The following TRIM14 variants were observed in gnomAD, a reference collection of about 807,000 sequenced individuals.
TRIM14 encodes tripartite motif containing 14, also known as tripartite motif-containing protein 14.
A neutral mutation model predicts 44.5 loss-of-function variants in TRIM14; 28 were observed. The ratio of observed to expected loss-of-function variants is 0.63; its 90% CI spans 0.47 to 0.86. TRIM14 has a LOEUF of 0.86. TRIM14 is among the 40% of genes least tolerant of loss of function. The pLI, the probability that TRIM14 is intolerant of heterozygous loss-of-function variation, is 0.00. For synonymous variants in TRIM14, 299 were observed against 269.2 expected (o/e 1.11, Z -1.08); for missense variants, 607 against 611.1 (o/e 0.99, Z 0.07).
chr9:98,103,104 G>A (rs924419514), intron 2 of TRIM14, among the ~76,000 whole-genome samples: 3 of 152,082 alleles, frequency 2.0e-5, no homozygotes, highest in Non-Finnish European at 4.4e-5. Flanking sequence ...AGAATTGCTT[G>A]AACCCAGGAG....
intron 1 of TRIM14, among the ~76,000 whole-genome samples, chr9:98,118,075 A>G (rs1827116147): frequency 1.3e-5 from 2 of 152,130 alleles, no homozygotes; most frequent in African/African-American, 2.4e-5. Context: ...AGTACCGGAG[A>G]AAGGCTCACG....
the TRIM14 span, among the ~76,000 whole-genome samples, chr9:98,053,040 C>T: frequency 2.6e-5 from 4 of 152,282 alleles, no homozygotes; most frequent in South Asian, 2.1e-4. Flanking sequence ...AAACCAGAAT[C>T]GGTCCATGGG....
At chr9:98,058,764 T>C in the TRIM14 span, among the ~76,000 whole-genome samples, 1 of 152,100 alleles carries the variant, frequency 6.6e-6, no homozygotes, top group African/African-American at 2.4e-5. Flanking sequence ...TGTCTCTAAT[T>C]CCATTGAGCT....
At chr9:98,078,762 G>T (rs1017028969) in intron 6 of TRIM14, among the ~76,000 whole-genome samples, 17 of 150,478 alleles carry the variant, frequency 1.1e-4, no homozygotes, top group Admixed American at 5.3e-4. Context: ...TTGAATTCAG[G>T]AGGCAGAGGT....
At chr9:98,115,450 A>G (rs1041881462) in intron 1 of TRIM14, among the ~76,000 whole-genome samples, 1 of 152,166 alleles carries the variant, frequency 6.6e-6, no homozygotes, top group South Asian at 2.1e-4. Flanking sequence ...AGGTTTCACC[A>G]TGTTGGTCAT....
the TRIM14 span, among the ~76,000 whole-genome samples, chr9:98,063,685 G>C: frequency 6.6e-6 from 1 of 151,888 alleles, no homozygotes; most frequent in Non-Finnish European, 1.5e-5. Context: ...GGGACTACAG[G>C]CATGTGCCAA....
Position 98,087,816 on chromosome 9 carries a change from A to C in TRIM14, c.983T>G (p.Val328Gly). The C allele has an allele frequency of 6.5e-7, 1 of 1,528,182 alleles. No homozygotes were observed. Among genetic ancestry groups the C allele is most frequent in the Non-Finnish European group, 8.7e-7 (1 of 1,149,410 alleles). The allele number at this position is 1,528,182 out of a possible 1,614,324, so 94.7% of individuals were successfully genotyped here. A position where few individuals can be genotyped will look rare whatever the true frequency, so the allele number is the denominator to read the frequency against. The change falls in exon 6 of 6, where the codon GTG becomes GGG. Residue 328 changes from valine to glycine, a missense_variant. Transcript: ENST00000341469. ...CCACCAGCCGGCGCCCGCCTCCTGC[A>C]CGTCAACCTCCCAGTAGTGGCGGCC... Reference protein sequence around the residue: ...ATGRHYWEVDVQEAGAGWWVG... With the variant: ...ATGRHYWEVDGQEAGAGWWVG...
rs1366516641 is a variant in TRIM14 at position 98,088,843 on chromosome 9, A to T, written c.794-838T>A. 2.0e-5 allele frequency among the ~76,000 whole-genome samples: 3 copies of T among 152,138 alleles called. 1 individual carries two copies. The highest frequency in any genetic ancestry group is 4.4e-5 in the Non-Finnish European group (3 of 68,022). On this transcript the variant is annotated intron_variant, in intron 5 of 5. Transcript: ENST00000341469. ...ACATATTGCAAAACTATCCTCCCCA[A>T]AGTTTGTAGTGATTTAAACTCTCAT...
rs774806522 is a variant in TRIM14 at position 98,100,022 on chromosome 9, T to A, written c.446A>T (p.Asp149Val). Residue 149 changes from aspartate to valine, a missense_variant, in exon 3 of 6, where the codon GAC (aspartate) becomes GTC (valine). This residue lies in a region of TRIM14 where 246 missense variants were observed against 270.8 expected (regional missense o/e 0.91). Coordinates refer to ENST00000341469, the MANE Select transcript of TRIM14 (RefSeq NM_014788.4). The part of the protein sequence containing the change: ...LTLQVYREQA[D>V]SCREQLDIMN... ...GATGTCAAGTTGCTCTCTGCAAGAG[T>A]CAGCTTGTTCCCTGTACACCTGGAG... is the stretch of plus-strand genomic sequence containing the variant. 1 of 1,614,096 alleles carries A rather than the reference T, an allele frequency of 6.2e-7. No homozygotes were observed.
chr9:98,044,077 G>T, the TRIM14 span, among the ~76,000 whole-genome samples: 2 of 149,722 alleles, frequency 1.3e-5, no homozygotes, highest in African/African-American at 4.9e-5. Context: ...GTGGGTCAAA[G>T]TGTGTGCTGC....
At position 98,078,834 on chromosome 9, in the gene TRIM14, G is replaced by C. The variant is rs540008329; in HGVS notation, c.*28+8608C>G. Among the ~76,000 whole-genome samples, 415 of 99,106 alleles carry C rather than the reference G, an allele frequency of 4.2e-3. 3 individuals are homozygous for C. Among genetic ancestry groups the C allele is most frequent in the Non-Finnish European group, 5.5e-3 (288 of 52,318 alleles). The allele number at this position is 99,106 out of a possible 152,430, so 65.0% of individuals were successfully genotyped here. ...TGGGTGACAGAGTGAGACTCTCAGG[G>C]GGAAAAAAAAAAAAAAAAAAGTCTG... On this transcript the variant is annotated intron_variant, in intron 6 of 6. Coordinates refer to the TRIM14 transcript ENST00000375098.
rs781505825 is a variant in TRIM14, at chr9:98,091,874, C to T, written c.793+35G>A. The stretch of plus-strand genomic sequence containing the variant: ...CCACCCAACATCCCACCATCTCCAC[C>T]GTCTCCACCCTATCCCCACTCCCGG... On this transcript the variant is annotated intron_variant, in intron 5 of 5. Coordinates refer to ENST00000341469, the MANE Select transcript of TRIM14 (RefSeq NM_014788.4). 7 of 1,424,482 alleles carry T rather than the reference C, an allele frequency of 4.9e-6. No individual in the cohort carries two copies. The East Asian group carries it at 1.2e-4, about 25-fold the overall frequency. 88.2% of individuals were successfully genotyped at this position (1,424,482 alleles called of 1,614,324 possible). A position where few individuals can be genotyped will look rare whatever the true frequency, so the allele number is the denominator to read the frequency against.
intron 2 of TRIM14, among the ~76,000 whole-genome samples, chr9:98,103,543 T>TA (rs1250330284): frequency 1.3e-5 from 2 of 151,910 alleles, no homozygotes; most frequent in African/African-American, 4.8e-5. Flanking sequence ...TTTATACAAT[T>TA]AAAAAAACAC....
At chr9:98,049,383 T>A in the TRIM14 span, among the ~76,000 whole-genome samples, 2 of 145,184 alleles carry the variant, frequency 1.4e-5, no homozygotes, top group African/African-American at 2.6e-5. Flanking sequence ...CTATTCCATA[T>A]GCAGAGCACC....
downstream of TRIM14, chr9:98,081,608 A>G (rs2118039280): frequency 6.5e-6 from 1 of 153,436 alleles, no homozygotes; most frequent in African/African-American, 2.4e-5. Context: ...AGACAGAGGA[A>G]CTGGTGGGCC....
chr9:98,059,550 G>A, the TRIM14 span, among the ~76,000 whole-genome samples: 2 of 152,128 alleles, frequency 1.3e-5, no homozygotes, highest in Non-Finnish European at 2.9e-5. Context: ...GAGTAGCTGG[G>A]ACTACAAGCG....
the TRIM14 span, among the ~76,000 whole-genome samples, chr9:98,040,550 C>G: frequency 6.6e-6 from 1 of 152,038 alleles, no homozygotes; most frequent in African/African-American, 2.4e-5. Flanking sequence ...TATCCTCGGT[C>G]TTTTTCCAAC....
At chr9:98,078,305 A>T in intron 6 of TRIM14, 2 of 1,613,846 alleles carry the variant, frequency 1.2e-6, no homozygotes, top group Non-Finnish European at 1.7e-6. Context: ...GTACCAGCGC[A>T]TACCCGCTCC....
intron 2 of TRIM14, among the ~76,000 whole-genome samples, chr9:98,101,058 C>A (rs900420460): frequency 6.6e-6 from 1 of 152,140 alleles, no homozygotes; most frequent in Non-Finnish European, 1.5e-5. Flanking sequence ...TCACAGCAAC[C>A]ACTGCCTCCC....
Sources: allele counts gnomAD v4.1 joint callset (sites outside exome capture counted in the v4.1 genomes callset), GRCh38; gene constraint gnomAD v4.1.1; regional missense constraint gnomAD v4.1.1; transcripts MANE v1.5; gene names NCBI Gene and HGNC (gene_info 2026-07-23, HGNC 2026-07-21).